The following ESYT3 variants were observed in gnomAD, a reference collection of about 807,000 sequenced individuals.
The protein encoded by ESYT3 is extended synaptotagmin-3.
In ESYT3, 101 loss-of-function variants were observed where a neutral mutation model predicts 111.5. The observed-to-expected ratio is 0.91, with a 90% CI of 0.77 to 1.07. ESYT3 has a LOEUF of 1.07. ESYT3 is among the 50% of genes least tolerant of loss of function. ESYT3 has a pLI of 0.00. For missense variants in ESYT3, 1,097 were observed against 1,109.4 expected (o/e 0.99, Z 0.16); for synonymous variants, 416 against 446.8 (o/e 0.93, Z 0.87).
Position 138,435,087 on chromosome 3 carries a change from A to C in ESYT3, c.289A>C (p.Ile97Leu). 6.3e-7 allele frequency: 1 copy of C among 1,591,242 alleles called. No individual in the cohort carries two copies. Among genetic ancestry groups the C allele is most frequent in the Non-Finnish European group, 8.5e-7 (1 of 1,171,562 alleles). ...FEFLDNEREFISRELRGQHLP... is the reference protein window; with the variant it reads ...FEFLDNEREFLSRELRGQHLP... ...ATTCCTTGACAATGAACGCGAGTTC[A>C]TCAGCCGCGAGCTGCGGGGCCAGCA... The change falls in exon 1 of 23, where the codon ATC (isoleucine) becomes CTC (leucine). Residue 97 changes from isoleucine to leucine, a missense_variant. Physicochemically the swap from Ile to Leu is conservative, Grantham distance 5. Transcript: ENST00000389567. The surrounding 1 kb of genome is among the most constrained non-coding windows in gnomAD (Gnocchi z 4.8).
chr3:138,470,788 TA>T (rs2033176027), intron 16 of ESYT3, 88 bp from the exon 17 acceptor site: 1 of 1,591,948 alleles, frequency 6.3e-7, no homozygotes, highest in Admixed American at 1.7e-5. Flanking sequence ...CAGACTGAAG[TA>T]AACCCAAACT....
chr3:138,472,288 G>T (rs2033258185), intron 17 of ESYT3, 75 bp from the exon 18 acceptor site: 6 of 1,546,314 alleles, frequency 3.9e-6, no homozygotes, highest in Non-Finnish European at 5.2e-6. Context: ...GAGGGGAAAG[G>T]GGGAACGGGA....
In ESYT3 at chr3:138,473,562, T is replaced by C. The variant is rs780064188; in HGVS notation, c.2264T>C (p.Leu755Pro). 4.1e-5 allele frequency: 66 copies of C among 1,613,654 alleles called. No homozygotes were observed. Among genetic ancestry groups the C allele is most frequent in the Middle Eastern group, 1.6e-4 (1 of 6,082 alleles). Reference protein sequence around the residue: ...IEGGDLRRRQLGEIQLTVRYV... With the variant: ...IEGGDLRRRQPGEIQLTVRYV... ...GGTGGGGACCTCAGGCGACGGCAGC[T>C]GGGTGAGATTCAGCTCACAGTGCGC... The change falls in exon 19 of 23, where the codon CTG (leucine) becomes CCG (proline). Residue 755 changes from leucine to proline, a missense_variant. Leu to Pro is a moderately conservative substitution (Grantham distance 98, BLOSUM62 -3). Transcript: ENST00000389567.
intron 7 of ESYT3, 105 bp from the exon 8 acceptor site, chr3:138,461,981 C>T (rs975289165): frequency 2.6e-6 from 4 of 1,542,484 alleles, no homozygotes; most frequent in African/African-American, 1.4e-5. Context: ...CTAGGTGGGG[C>T]CCACCCTACC....
At chr3:138,446,886 A>T (rs571691356) in intron 1 of ESYT3, among the ~76,000 whole-genome samples, 1 of 152,024 alleles carries the variant, frequency 6.6e-6, no homozygotes, top group Non-Finnish European at 1.5e-5. Context: ...CAAACAAACA[A>T]TAGTCAGGCG....
rs772755808 is a variant in ESYT3, at chr3:138,460,042, C to G, written c.738+8C>G. 6.2e-7 allele frequency: 1 copy of G among 1,613,538 alleles called. No homozygotes were observed. The highest frequency in any genetic ancestry group is 1.1e-5 in the South Asian group (1 of 91,070). On this transcript the variant is annotated splice_region_variant and intron_variant, in intron 6 of 22. Transcript: ENST00000389567. ...TTCTTCCTTCAGAAGCCGGTGAGTC[C>G]CAAGGACTGCGGTAAGCCTGCTGCT...
chr3:138,468,578 A>T (rs774298256), intron 12 of ESYT3, 77 bp from the exon 13 acceptor site: 23 of 1,485,596 alleles, frequency 1.5e-5, no homozygotes, highest in Non-Finnish European at 2.2e-5. Flanking sequence ...TTCTTCTGCC[A>T]TGAGTAGGCT....
Position 138,445,764 on chromosome 3 carries a change from G to C in ESYT3, c.328-6284G>C, listed in dbSNP as rs111258956. On this transcript the variant is annotated intron_variant, in intron 1 of 22. Coordinates refer to ENST00000389567, the MANE Select transcript of ESYT3 (RefSeq NM_031913.5). ...AGAACGCTTATTCTGATCCAGGAAGGATACCGAGCATCATCCATGCCTTTA... is the reference window on the plus strand; with the variant it reads ...AGAACGCTTATTCTGATCCAGGAAGCATACCGAGCATCATCCATGCCTTTA... Among the ~76,000 whole-genome samples, 18 of 152,322 alleles carry C rather than the reference G, an allele frequency of 1.2e-4. 1 individual carries two copies. The highest frequency in any genetic ancestry group is 4.3e-4 in the African/African-American group (18 of 41,570).
intron 1 of ESYT3, among the ~76,000 whole-genome samples, chr3:138,439,739 C>T (rs770530895): frequency 4.6e-5 from 7 of 152,280 alleles, no homozygotes; most frequent in South Asian, 4.2e-4. Flanking sequence ...CACATTGCTC[C>T]AGGTTGGGGG....
At chr3:138,441,390 C>T (rs926669086) in intron 1 of ESYT3, among the ~76,000 whole-genome samples, 5 of 152,146 alleles carry the variant, frequency 3.3e-5, no homozygotes, top group African/African-American at 1.2e-4. Context: ...CCCTTTTGTC[C>T]TGTGTTGCAG....
chr3:138,475,535 C>G (rs1251145709), intron 20 of ESYT3, among the ~76,000 whole-genome samples: 1 of 152,154 alleles, frequency 6.6e-6, no homozygotes. Context: ...CCTAACTGCT[C>G]AGTGTTCTAG....
In ESYT3 at chr3:138,455,153, G is replaced by A. The variant is rs1242989598; in HGVS notation, c.370-41G>A. On this transcript the variant is annotated intron_variant, in intron 2 of 22. Transcript: ENST00000389567. ...ATGCAGCTGTGGGTCTGCAGTGGGGGTACAGACCTGACTACCAAGAGCCTC... is the reference window on the plus strand; with the variant it reads ...ATGCAGCTGTGGGTCTGCAGTGGGGATACAGACCTGACTACCAAGAGCCTC... 3.7e-6 allele frequency: 6 copies of A among 1,611,434 alleles called. No homozygotes were observed. The African/African-American group carries it at 4.0e-5, about 11-fold the overall frequency.
chr3:138,451,340 G>A (rs1321531815), intron 1 of ESYT3, among the ~76,000 whole-genome samples: 1 of 152,136 alleles, frequency 6.6e-6, no homozygotes, highest in African/African-American at 2.4e-5. Flanking sequence ...GAGGTGGGAG[G>A]GGCGCCCCAC....
At chr3:138,451,786 A>G (rs1402929573) in intron 1 of ESYT3, among the ~76,000 whole-genome samples, 1 of 151,512 alleles carries the variant, frequency 6.6e-6, no homozygotes, top group Non-Finnish European at 1.5e-5. Flanking sequence ...GCACTGCGGA[A>G]TCGGTGCCAG....
chr3:138,437,857 A>G (rs1341339892), intron 1 of ESYT3, among the ~76,000 whole-genome samples: 1 of 152,016 alleles, frequency 6.6e-6, no homozygotes, highest in African/African-American at 2.4e-5. Context: ...GCTGTTGACC[A>G]TTATTGCGAT....
intron 22 of ESYT3, 111 bp from the exon 23 acceptor site, chr3:138,476,707 C>G: frequency 8.4e-7 from 1 of 1,191,156 alleles, no homozygotes; most frequent in Non-Finnish European, 1.2e-6. Context: ...TACAGAGAGA[C>G]AGGTTCTGCT....
At chr3:138,470,246 G>A (rs531493126) in intron 16 of ESYT3, 100 bp downstream of exon 16, 278 of 1,457,932 alleles carry the variant, frequency 1.9e-4, no homozygotes, top group East Asian at 4.0e-4. Context: ...TCCTGGCAGC[G>A]TTTAAAGTCA....
At chr3:138,480,986 A>C (rs973728675), downstream of ESYT3, 14 of 152,202 alleles carry the variant, frequency 9.2e-5, no homozygotes, top group Non-Finnish European at 8.8e-5. Context: ...CAAAGGGAAA[A>C]GATAGACTTT....
Position 138,464,533 on chromosome 3 carries a change from T to C in ESYT3, c.1086+18T>C. The stretch of plus-strand genomic sequence containing the variant: ...TGTTTGAGGTAAGGGTCTCCTTGGC[T>C]GCTTCTAGCCTTCACTCTGAGTCAT... On this transcript the variant is annotated intron_variant, in intron 9 of 22. Coordinates refer to ENST00000389567, the MANE Select transcript of ESYT3 (RefSeq NM_031913.5). 4 of 1,613,530 alleles carry C rather than the reference T, an allele frequency of 2.5e-6. No homozygotes were observed. The highest frequency in any genetic ancestry group is 3.4e-6 in the Non-Finnish European group (4 of 1,179,714).
Sources: gnomAD v4.1 joint callset for allele counts (sites outside exome capture counted in the v4.1 genomes callset) on GRCh38, gnomAD v4.1.1 for gene constraint, Gnocchi (gnomAD v3.1) non-coding constraint, MANE v1.5 for transcripts, NCBI Gene and HGNC (gene_info 2026-07-23, HGNC 2026-07-21) for gene names.